The following DLG2 variants were observed in gnomAD, a reference collection of about 807,000 sequenced individuals.
DLG2 encodes discs large MAGUK scaffold protein 2.
A neutral mutation model predicts 132.5 loss-of-function variants in DLG2; 45 were observed. The ratio of observed to expected loss-of-function variants is 0.34; its 90% CI spans 0.27 to 0.44. The LOEUF is 0.44. Ranked by LOEUF, DLG2 falls within the 20% of genes least tolerant of loss-of-function variation. DLG2 has a pLI of 1.00. For missense variants in DLG2, 1,045 were observed against 1,196.9 expected, an observed-to-expected ratio of 0.87 and a Z score of 1.87; for synonymous variants, 424 against 419.6, an observed-to-expected ratio of 1.01 and a Z score of -0.13.
At chr11:85,596,465 A>T (rs1329645446) in intron 3 of DLG2, among the ~76,000 whole-genome samples, 2 of 152,202 alleles carry the variant, frequency 1.3e-5, no homozygotes, top group Non-Finnish European at 2.9e-5. Flanking sequence ...TGTCACATGT[A>T]AATATTACAG....
intron 3 of DLG2, among the ~76,000 whole-genome samples, chr11:85,525,674 G>T (rs1370942489): frequency 6.6e-6 from 1 of 152,110 alleles, no homozygotes. Flanking sequence ...AAGCACAAAG[G>T]ACAGTAATGC....
chr11:84,722,593 C>A (rs1211305088), intron 6 of DLG2, among the ~76,000 whole-genome samples: 1 of 152,196 alleles, frequency 6.6e-6, no homozygotes, highest in Non-Finnish European at 1.5e-5. Context: ...CCCAACCCTA[C>A]ATTTTCATCC....
At chr11:85,063,225 A>G (rs1000894811) in intron 6 of DLG2, among the ~76,000 whole-genome samples, 1 of 151,762 alleles carries the variant, frequency 6.6e-6, no homozygotes, top group Non-Finnish European at 1.5e-5. Context: ...ACTGCATCCA[A>G]TGATCCCCAT....
At chr11:85,128,099 C>T (rs539956947) in intron 5 of DLG2, among the ~76,000 whole-genome samples, 2 of 152,062 alleles carry the variant, frequency 1.3e-5, no homozygotes, top group Non-Finnish European at 2.9e-5. Flanking sequence ...TTTCACTCTG[C>T]TATGTGAATT....
chr11:83,785,883 A>G (rs1208951366), intron 18 of DLG2, among the ~76,000 whole-genome samples: 1 of 152,226 alleles, frequency 6.6e-6, no homozygotes, highest in East Asian at 1.9e-4. Flanking sequence ...ATGGACCAAA[A>G]GCAATGCGCT....
chr11:84,685,084 A>G (rs1324752171), intron 6 of DLG2, among the ~76,000 whole-genome samples: 1 of 152,230 alleles, frequency 6.6e-6, no homozygotes, highest in Non-Finnish European at 1.5e-5. Context: ...TTCCTATTTA[A>G]GAGACACAGA....
chr11:84,009,784 T>C (rs879492240), intron 11 of DLG2, among the ~76,000 whole-genome samples: 2 of 152,046 alleles, frequency 1.3e-5, no homozygotes, highest in Non-Finnish European at 2.9e-5. Flanking sequence ...ACAAAGAAAA[T>C]TACATTTCAT....
At chr11:84,848,557 T>C (rs1335128606) in intron 6 of DLG2, among the ~76,000 whole-genome samples, 1 of 152,144 alleles carries the variant, frequency 6.6e-6, no homozygotes, top group Non-Finnish European at 1.5e-5. Flanking sequence ...TCCAGCTTTT[T>C]ACATGGAAGT....
intron 7 of DLG2, among the ~76,000 whole-genome samples, chr11:84,512,718 T>C (rs1159804503): frequency 1.3e-5 from 2 of 151,472 alleles, no homozygotes; most frequent in Non-Finnish European, 2.9e-5. Flanking sequence ...TCAGATAATA[T>C]AGCAAAGTGC....
chr11:85,620,077 A>G (rs962133577), intron 2 of DLG2, among the ~76,000 whole-genome samples: 5 of 152,252 alleles, frequency 3.3e-5, no homozygotes, highest in African/African-American at 1.2e-4. Flanking sequence ...GCAATTTTCC[A>G]CAGGATATAT....
chr11:85,354,636 T>C (rs1349444684), intron 3 of DLG2, among the ~76,000 whole-genome samples: 1 of 152,048 alleles, frequency 6.6e-6, no homozygotes, highest in Non-Finnish European at 1.5e-5. Flanking sequence ...ATCTTGATCT[T>C]TGGTTTAGTA....
Position 85,257,388 on chromosome 11 carries a change from A to G in DLG2, c.186+27832T>C, listed in dbSNP as rs1332620884. Among the ~76,000 whole-genome samples the G allele has an allele frequency of 3.3e-5, 5 of 152,338 alleles. 1 individual carries two copies. The highest frequency in any genetic ancestry group is 6.8e-3 in the Middle Eastern group (2 of 294). ...CAAAAGTGTATGAGAAAGAAAACAT[A>G]ATCTAGCTATTTATAAGAAGCAAAA... is the stretch of plus-strand genomic sequence containing the variant. On this transcript the variant is annotated intron_variant, in intron 4 of 27. Transcript: ENST00000376104.
At chr11:84,540,886 T>G (rs1301443701) in intron 6 of DLG2, among the ~76,000 whole-genome samples, 1 of 152,138 alleles carries the variant, frequency 6.6e-6, no homozygotes, top group Non-Finnish European at 1.5e-5. Context: ...TTCATGTACT[T>G]TGTAGGGACA....
chr11:83,973,760 T>A (rs2091763609), intron 12 of DLG2, among the ~76,000 whole-genome samples: 1 of 152,080 alleles, frequency 6.6e-6, no homozygotes, highest in Non-Finnish European at 1.5e-5. Flanking sequence ...GATTTGATTA[T>A]TCAGGGTTGA....
chr11:84,634,198 A>G (rs1044786336), intron 6 of DLG2, among the ~76,000 whole-genome samples: 21 of 152,008 alleles, frequency 1.4e-4, no homozygotes, highest in Non-Finnish European at 7.4e-5. Flanking sequence ...CAGCCCCTTC[A>G]TCTCCCTGAT....
chr11:84,436,383 T>C lies in DLG2; in HGVS notation c.519+98187A>G, dbSNP rs184231829. Among the ~76,000 whole-genome samples the C allele has an allele frequency of 3.9e-5, 6 of 152,298 alleles. No homozygotes were observed. The East Asian group carries it at 1.2e-3, about 29-fold the overall frequency. On this transcript the variant is annotated intron_variant, in intron 7 of 27. Coordinates refer to ENST00000376104, the MANE Select transcript of DLG2 (RefSeq NM_001142699.3). ...CTCTGAAGGAATGAATAGCAAGTTATAGTGAAGGCATCTTTCTAGGTGAGA... is the reference window on the plus strand; with the variant it reads ...CTCTGAAGGAATGAATAGCAAGTTACAGTGAAGGCATCTTTCTAGGTGAGA...
chr11:84,897,227 G>C (rs74875380), intron 6 of DLG2, among the ~76,000 whole-genome samples: 14,652 of 151,210 alleles, frequency 0.097, 931 homozygotes, highest in African/African-American at 0.18. Flanking sequence ...CTTATATATT[G>C]TCTTCTCTTT....
chr11:83,636,112 A>G (rs1021766594), intron 18 of DLG2, among the ~76,000 whole-genome samples: 2 of 152,096 alleles, frequency 1.3e-5, no homozygotes, highest in African/African-American at 4.8e-5. Context: ...TTTACTACCC[A>G]TGATAAAAGC....
intron 14 of DLG2, among the ~76,000 whole-genome samples, chr11:83,955,703 G>C (rs1027291895): frequency 6.6e-6 from 1 of 152,162 alleles, no homozygotes; most frequent in African/African-American, 2.4e-5. Context: ...CCCTCAATTG[G>C]AGTGGACACC....
Sources: gnomAD v4.1 joint callset for allele counts (sites outside exome capture counted in the v4.1 genomes callset) on GRCh38, gnomAD v4.1.1 for gene constraint, MANE v1.5 for transcripts, NCBI Gene and HGNC (gene_info 2026-07-23, HGNC 2026-07-21) for gene names.